The following DAB1 variants were observed in gnomAD, a reference collection of about 807,000 sequenced individuals.
The protein encoded by DAB1 is DAB adaptor protein 1.
In DAB1, 15 loss-of-function variants were observed where a neutral mutation model predicts 64.6. The ratio of observed to expected loss-of-function variants is 0.23; its 90% CI spans 0.16 to 0.36. The LOEUF is 0.36. Ranked by LOEUF, DAB1 falls within the 10% of genes least tolerant of loss-of-function variation. The pLI is 1.00. For synonymous variants in DAB1, 235 were observed against 251.9 expected (o/e 0.93, Z 0.64); for missense variants, 596 against 706.7 (o/e 0.84, Z 1.78).
chr1:58,465,620 G>A (rs553000449), intron 3 of DAB1, among the ~76,000 whole-genome samples: 129 of 152,174 alleles, frequency 8.5e-4, no homozygotes, highest in Non-Finnish European at 1.6e-3. Context: ...GCACACAGCA[G>A]CGGTGGGAGT....
chr1:57,071,383 G>C (rs949046401), intron 6 of DAB1, 139 bp downstream of exon 6: 28 of 981,986 alleles, frequency 2.9e-5, no homozygotes, highest in Admixed American at 5.3e-5. Flanking sequence ...GCTTGCTTTG[G>C]GTCCTGTAAT....
upstream of DAB1, among the ~76,000 whole-genome samples, chr1:57,884,849 G>A (rs1644199274): frequency 6.6e-6 from 1 of 152,138 alleles, no homozygotes; most frequent in African/African-American, 2.4e-5. Context: ...TAGTTCCTAT[G>A]AGAGCTGGTT....
chr1:57,162,556 C>T (rs923967787), intron 2 of DAB1, among the ~76,000 whole-genome samples: 4 of 152,158 alleles, frequency 2.6e-5, no homozygotes, highest in Non-Finnish European at 5.9e-5. Flanking sequence ...CACGTGCAAC[C>T]TGCAATTGGC....
intron 9 of DAB1, among the ~76,000 whole-genome samples, chr1:57,055,641 G>A (rs1336368799): frequency 7.9e-5 from 12 of 152,254 alleles, no homozygotes; most frequent in Admixed American, 3.9e-4. Flanking sequence ...ACTCTGGAAC[G>A]CTCTGTAACC....
chr1:58,344,097 T>C (rs1463997091), intron 3 of DAB1, among the ~76,000 whole-genome samples: 1 of 152,058 alleles, frequency 6.6e-6, no homozygotes, highest in Non-Finnish European at 1.5e-5. Context: ...AATCCTGCTA[T>C]GCCACTTCCT....
chr1:58,503,796 TG>T (rs1436749926), intron 3 of DAB1, among the ~76,000 whole-genome samples: 1 of 152,214 alleles, frequency 6.6e-6, no homozygotes, highest in Non-Finnish European at 1.5e-5. Flanking sequence ...AAGTTTCTGT[TG>T]TTTATAAGCC....
rs1313121474 is a variant in DAB1 at position 57,290,663 on chromosome 1, T to C, written c.67+301A>G. Among the ~76,000 whole-genome samples, 3 of 152,178 alleles carry C rather than the reference T, an allele frequency of 2.0e-5. 1 individual carries two copies. The East Asian group carries it at 5.8e-4, about 29-fold the overall frequency. ...GGAGAATAATGAAGAGCCATTACATTATTATATTATGAATACGAAACACAC... is the reference window on the plus strand; with the variant it reads ...GGAGAATAATGAAGAGCCATTACATCATTATATTATGAATACGAAACACAC... On this transcript the variant is annotated intron_variant, in intron 2 of 14. Transcript: ENST00000371236.
intron 9 of DAB1, among the ~76,000 whole-genome samples, chr1:57,051,954 A>T (rs963328660): frequency 2.0e-5 from 3 of 152,150 alleles, no homozygotes; most frequent in African/African-American, 4.8e-5. Context: ...ATTTCCTTTC[A>T]TCATAAAGGC....
chr1:57,058,877 G>C (rs990183314), intron 9 of DAB1, among the ~76,000 whole-genome samples: 2 of 152,204 alleles, frequency 1.3e-5, no homozygotes, highest in Non-Finnish European at 2.9e-5. Context: ...TTGCAAAGCC[G>C]CGTGAGATGT....
At chr1:57,093,467 G>A (rs1026308374) in intron 4 of DAB1, among the ~76,000 whole-genome samples, 2 of 152,008 alleles carry the variant, frequency 1.3e-5, no homozygotes, top group African/African-American at 2.4e-5. Flanking sequence ...CCTGCAATGT[G>A]AGGTCGCAAA....
chr1:58,240,391 T>A (rs544310534), intron 4 of DAB1, among the ~76,000 whole-genome samples: 1 of 152,322 alleles, frequency 6.6e-6, no homozygotes, highest in African/African-American at 2.4e-5. Flanking sequence ...TGACACACCA[T>A]CATGGATCAT....
In DAB1 at chr1:57,765,164, T is replaced by C. The variant is rs1277820733; in HGVS notation, n.552-115499A>G. Among the ~76,000 whole-genome samples the C allele has an allele frequency of 2.6e-5, 4 of 152,132 alleles. No individual in the cohort carries two copies. In the East Asian group the frequency reaches 7.7e-4, roughly 29 times the overall value. ...GACTATGAACCATGAAGAAGAAATT[T>C]TGATCAGAGAGAGAAATTTTGTCCC... On this transcript the variant is annotated intron_variant and non_coding_transcript_variant, in intron 6 of 20. Transcript: ENST00000485760.
At chr1:57,455,646 G>A (rs1054922078) in intron 7 of DAB1, among the ~76,000 whole-genome samples, 1 of 152,122 alleles carries the variant, frequency 6.6e-6, no homozygotes, top group Non-Finnish European at 1.5e-5. Flanking sequence ...CAGTAGGCAT[G>A]GTTTCTCCAT....
At chr1:57,720,840 A>C in intron 6 of DAB1, among the ~76,000 whole-genome samples, 1 of 152,014 alleles carries the variant, frequency 6.6e-6, no homozygotes, top group Admixed American at 6.5e-5. Context: ...AGAGGTTTTA[A>C]ATATTTAAAG....
chr1:57,846,246 T>G (rs1569837521), intron 1 of DAB1, among the ~76,000 whole-genome samples: 1 of 152,084 alleles, frequency 6.6e-6, no homozygotes, highest in African/African-American at 2.4e-5. Flanking sequence ...GATCACGAGG[T>G]CAGGAGATCG....
chr1:57,501,649 A>G (rs1362144031), intron 7 of DAB1, among the ~76,000 whole-genome samples: 2 of 152,188 alleles, frequency 1.3e-5, no homozygotes, highest in East Asian at 3.9e-4. Context: ...GTGACATGAG[A>G]ATGTGCTTTT....
chr1:57,911,442 C>T (rs1248156874), intron 5 of DAB1, among the ~76,000 whole-genome samples: 2 of 152,200 alleles, frequency 1.3e-5, no homozygotes, highest in Non-Finnish European at 2.9e-5. Flanking sequence ...CAGTGTCCTT[C>T]CAGCAGCAGA....
At chr1:57,687,710 A>G (rs977577962) in intron 6 of DAB1, among the ~76,000 whole-genome samples, 1 of 152,014 alleles carries the variant, frequency 6.6e-6, no homozygotes, top group Non-Finnish European at 1.5e-5. Flanking sequence ...GTACTGGTAC[A>G]AAAACAGACA....
chr1:57,321,433 C>T (rs1014398945), intron 1 of DAB1, among the ~76,000 whole-genome samples: 2 of 152,182 alleles, frequency 1.3e-5, no homozygotes, highest in African/African-American at 4.8e-5. Flanking sequence ...CAACTCTCAC[C>T]TCTTGGCAGA....
Sources: gnomAD v4.1 joint callset for allele counts (sites outside exome capture counted in the v4.1 genomes callset) on GRCh38, gnomAD v4.1.1 for gene constraint, MANE v1.5 for transcripts, NCBI Gene and HGNC (gene_info 2026-07-23, HGNC 2026-07-21) for gene names.